Variants in PNOC observed in about 807,000 individuals in gnomAD.
PNOC encodes nociceptin.
PNOC carries 10 observed loss-of-function variants against 15.6 expected under a neutral mutation model. The ratio of observed to expected loss-of-function variants is 0.64; its 90% confidence interval spans 0.40 to 1.09. PNOC has a LOEUF of 1.09. Ranked by LOEUF, PNOC falls within the 50% of genes least tolerant of loss-of-function variation. The pLI is 0.01. For missense variants in PNOC, 220 were observed against 223.9 expected, an observed-to-expected ratio of 0.98 and a Z score of 0.11; for synonymous variants, 98 against 88.5, an observed-to-expected ratio of 1.11 and a Z score of -0.60.
In PNOC at chr8:28,328,437, T is replaced by C. The variant is rs141460715; in HGVS notation, c.-23-698T>C. On this transcript the variant is annotated intron_variant, in intron 1 of 3. Transcript: ENST00000301908. ...GGTTAGGATTTCAACATAGGAATTT[T>C]AGGGAGACAGAGATAGACCATAGCA... Among the ~76,000 whole-genome samples the C allele has an allele frequency of 4.6e-5, 7 of 152,022 alleles. No individual in the cohort carries two copies. In the East Asian group the frequency reaches 1.4e-3, roughly 29 times the overall value.
chr8:28,333,521 C>T (rs901795488), intron 2 of PNOC, among the ~76,000 whole-genome samples: 20 of 152,166 alleles, frequency 1.3e-4, no homozygotes, highest in Non-Finnish European at 2.4e-4. Context: ...GCTACAAATG[C>T]GTTGTGAATT....
intron 1 of PNOC, among the ~76,000 whole-genome samples, chr8:28,327,720 T>C (rs1801248883): frequency 6.6e-6 from 1 of 152,108 alleles, no homozygotes; most frequent in South Asian, 2.1e-4. Flanking sequence ...TTCACCATGT[T>C]GGCCAGGCTA....
At chr8:28,328,500 G>A (rs975376693) in intron 1 of PNOC, among the ~76,000 whole-genome samples, 2 of 144,194 alleles carry the variant, frequency 1.4e-5, no homozygotes, top group Non-Finnish European at 3.2e-5. Context: ...GCAAGTACCT[G>A]GAAGAGAGAA....
intron 3 of PNOC, among the ~76,000 whole-genome samples, chr8:28,340,847 C>T (rs1801506100): frequency 6.6e-6 from 1 of 152,214 alleles, no homozygotes; most frequent in South Asian, 2.1e-4. Context: ...AACTCATTAC[C>T]ATAGGGTGGG....
Position 28,339,456 on chromosome 8 carries a change from G to A in PNOC, c.*12G>A, listed in dbSNP as rs1213322002. 1.3e-6 allele frequency: 2 copies of A among 1,519,254 alleles called. No individual in the cohort carries two copies. Among genetic ancestry groups the A allele is most frequent in the African/African-American group, 2.8e-5 (2 of 72,114 alleles). 94.1% of individuals were successfully genotyped at this position (1,519,254 alleles called of 1,614,324 possible). A position where few individuals can be genotyped will look rare whatever the true frequency, so the allele number is the denominator to read the frequency against. On this transcript the variant is annotated 3_prime_UTR_variant, in exon 3 of 4. Transcript: ENST00000301908. ...ATGGTAATGTGTAGCCGGAAGGGGC[G>A]CTCCTCCCAGCTGTACCGGCCACTG...
At chr8:28,340,352 C>T (rs1001690743) in intron 3 of PNOC, 2 of 152,186 alleles carry the variant, frequency 1.3e-5, no homozygotes, top group Non-Finnish European at 2.9e-5. Context: ...TATACAAGTC[C>T]ACATGTCTCA....
At chr8:28,328,247 G>A (rs1346365968) in intron 1 of PNOC, among the ~76,000 whole-genome samples, 4 of 151,314 alleles carry the variant, frequency 2.6e-5, no homozygotes, top group Non-Finnish European at 2.9e-5. Context: ...ATATATATTT[G>A]TATTTTTAGT....
At chr8:28,330,391 A>ATTTTTTTTTTTTTTTTTTTTTT (rs200641227) in intron 2 of PNOC, among the ~76,000 whole-genome samples, 3 of 76,082 alleles carry the variant, frequency 3.9e-5, no homozygotes, top group Non-Finnish European at 8.7e-5. Flanking sequence ...ATTTTATTTT[A>ATTTTTTTTTTTTTTTTTTTTTT]TTTTATTTTT....
At position 28,339,171 on chromosome 8, in the gene PNOC, G is replaced by A. The variant is rs1358911954; in HGVS notation, c.258G>A (p.Gln86=). The A allele has an allele frequency of 1.2e-6, 2 of 1,613,796 alleles. No individual in the cohort carries two copies. The highest frequency in any genetic ancestry group is 8.5e-7 in the Non-Finnish European group (1 of 1,179,674). ...AGCATGTGGCGGCTGCTCTCTACCA[G>A]CCGAGAGCTTCGGAGATGCAGCATC... The part of the protein sequence containing the change: ...APEHVAAALY[Q]PRASEMQHLR... Residue 86 remains glutamine (Q), a synonymous_variant, in exon 3 of 4, where the codon CAG becomes CAA. Coordinates refer to ENST00000301908, the MANE Select transcript of PNOC (RefSeq NM_006228.5).
intron 1 of PNOC, among the ~76,000 whole-genome samples, chr8:28,325,664 A>AAG (rs1563326940): frequency 2.6e-5 from 3 of 116,796 alleles, no homozygotes; most frequent in Non-Finnish European, 6.4e-5. Context: ...AAAAAAAAAA[A>AAG]AGAAAAAGAA....
chr8:28,333,235 A>G (rs1304779150), intron 2 of PNOC, among the ~76,000 whole-genome samples: 1 of 152,116 alleles, frequency 6.6e-6, no homozygotes, highest in Admixed American at 6.6e-5. Context: ...ATGGGTTCAT[A>G]TGCCTGTTTC....
chr8:28,332,670 G>T (rs1012897218), intron 2 of PNOC, among the ~76,000 whole-genome samples: 98 of 152,212 alleles, frequency 6.4e-4, no homozygotes, highest in African/African-American at 2.2e-3. Context: ...CTAAAATTTG[G>T]CCTGGTGCAG....
At chr8:28,337,074 A>T (rs1801423059) in intron 2 of PNOC, among the ~76,000 whole-genome samples, 1 of 152,194 alleles carries the variant, frequency 6.6e-6, no homozygotes, top group African/African-American at 2.4e-5. Context: ...AGAAGGGAAC[A>T]GCCCAGGGCT....
At chr8:28,321,871 A>G (rs1801157336) in intron 1 of PNOC, among the ~76,000 whole-genome samples, 1 of 152,306 alleles carries the variant, frequency 6.6e-6, no homozygotes, top group South Asian at 2.1e-4. Context: ...AGATGAGAGG[A>G]GAGACACTTG....
At chr8:28,338,965 C>A in intron 2 of PNOC, 75 bp from the exon 3 acceptor site, 1 of 1,358,006 alleles carries the variant, frequency 7.4e-7, no homozygotes, top group Non-Finnish European at 1.0e-6. Context: ...GTGCAGTGGG[C>A]CAGATCTCCT....
chr8:28,322,968 T>A (rs1390882280), intron 1 of PNOC, among the ~76,000 whole-genome samples: 1 of 152,200 alleles, frequency 6.6e-6, no homozygotes, highest in Non-Finnish European at 1.5e-5. Flanking sequence ...AAGAATATTC[T>A]CTACATGTGG....
intron 2 of PNOC, among the ~76,000 whole-genome samples, chr8:28,330,400 T>TTTTTTTTTTTTTAA (rs869258665): frequency 9.8e-6 from 1 of 102,228 alleles, no homozygotes. Flanking sequence ...TATTTTATTT[T>TTTTTTTTTTTTTAA]TTTTTTTTTT....
intron 2 of PNOC, among the ~76,000 whole-genome samples, chr8:28,330,386 A>ATTTTTTTTTTT (rs1365236960): frequency 3.2e-4 from 19 of 59,778 alleles, no homozygotes; most frequent in Non-Finnish European, 3.9e-4. Context: ...ATTTTATTTT[A>ATTTTTTTTTTT]TTTTATTTTA....
At position 28,329,256 on chromosome 8, in the gene PNOC, C is replaced by T. The variant is rs199907549; in HGVS notation, c.99C>T (p.His33=). The T allele has an allele frequency of 2.0e-5, 32 of 1,613,954 alleles. No homozygotes were observed. The East Asian group carries it at 3.1e-4, about 16-fold the overall frequency. The change falls in exon 2 of 4, where the codon CAC becomes CAT. Residue 33 remains histidine, a synonymous_variant. Transcript: ENST00000301908. ...RDCLTCQEKL[H]PALDSFDLEV... ...GTCTCACATGCCAGGAGAAGCTCCA[C>T]CCAGCCCTGGACAGCTTCGACCTGG... is the stretch of plus-strand genomic sequence containing the variant.
Sources: allele counts gnomAD v4.1 joint callset (sites outside exome capture counted in the v4.1 genomes callset), GRCh38; gene constraint gnomAD v4.1.1; transcripts MANE v1.5; gene names NCBI Gene and HGNC (gene_info 2026-07-23, HGNC 2026-07-21).